B3GALT1: variants seen among roughly 807,000 people sequenced by gnomAD.
B3GALT1 encodes the protein beta-1,3-galactosyltransferase 1.
A neutral mutation model predicts 23.2 loss-of-function variants in B3GALT1; 10 were observed. That is an observed-to-expected ratio of 0.43 (90% CI 0.27 to 0.73). The LOEUF (loss-of-function observed/expected upper bound fraction) is 0.73, where lower values mean the gene tolerates loss of function less well. Ranked by LOEUF, B3GALT1 falls within the 30% of genes least tolerant of loss-of-function variation. The pLI is 0.21. For synonymous variants in B3GALT1, 156 were observed against 141.5 expected (o/e 1.10, Z -0.73); for missense variants, 299 against 405.4 (o/e 0.74, Z 2.25).
chr2:167,624,814 T>C (rs1248408540), intron 2 of B3GALT1, among the ~76,000 whole-genome samples: 1 of 152,028 alleles, frequency 6.6e-6, no homozygotes, highest in Non-Finnish European at 1.5e-5. Context: ...TCAAACCATA[T>C]GAAGAATGCT....
chr2:167,563,924 C>G (rs1684085662), intron 2 of B3GALT1, among the ~76,000 whole-genome samples: 1 of 105,000 alleles, frequency 9.5e-6, no homozygotes, highest in South Asian at 3.6e-4. Flanking sequence ...CCACCTCCCT[C>G]CCAGACGGGG....
chr2:167,558,041 A>G (rs886117029), intron 2 of B3GALT1: 2 of 152,226 alleles, frequency 1.3e-5, no homozygotes, highest in Non-Finnish European at 1.5e-5. Context: ...ACTGGTGGTC[A>G]TTCACTGAGC....
chr2:167,566,362 G>T (rs1465851545), intron 2 of B3GALT1, among the ~76,000 whole-genome samples: 1 of 148,488 alleles, frequency 6.7e-6, no homozygotes, highest in African/African-American at 2.6e-5. Flanking sequence ...GGGGTGGGGG[G>T]AGAGGGGAGG....
intron 1 of B3GALT1, among the ~76,000 whole-genome samples, chr2:167,462,109 A>G (rs527622845): frequency 1.3e-5 from 2 of 152,354 alleles, no homozygotes; most frequent in African/African-American, 4.8e-5. Flanking sequence ...CACAATAAAA[A>G]TACTATAGAC....
chr2:167,318,134 C>G (rs1225278132), intron 1 of B3GALT1, among the ~76,000 whole-genome samples: 1 of 152,054 alleles, frequency 6.6e-6, no homozygotes, highest in East Asian at 1.9e-4. Context: ...CAAGACCAGC[C>G]TTGCCAAGGT....
intron 1 of B3GALT1, among the ~76,000 whole-genome samples, chr2:167,456,049 A>G (rs533473990): frequency 6.6e-6 from 1 of 152,288 alleles, no homozygotes; most frequent in African/African-American, 2.4e-5. Context: ...TCTGTTCTGC[A>G]TTGCTGTAGG....
At chr2:167,601,184 C>T (rs539919545) in intron 2 of B3GALT1, among the ~76,000 whole-genome samples, 7 of 152,204 alleles carry the variant, frequency 4.6e-5, no homozygotes, top group South Asian at 4.1e-4. Flanking sequence ...CTCAGCCTCT[C>T]GAGTAGCTGG....
intron 4 of B3GALT1, among the ~76,000 whole-genome samples, chr2:167,827,608 C>A (rs897167955): frequency 1.3e-5 from 2 of 152,178 alleles, no homozygotes; most frequent in Admixed American, 6.5e-5. Context: ...CTCTGGCAGT[C>A]CCTGCTCAGT....
At chr2:167,364,022 G>A (rs1697544155) in intron 1 of B3GALT1, among the ~76,000 whole-genome samples, 2 of 151,946 alleles carry the variant, frequency 1.3e-5, no homozygotes, top group Admixed American at 1.3e-4. Flanking sequence ...AAATTAGCCA[G>A]GCATGGCGGC....
chr2:167,418,308 A>G (rs1455940643), intron 1 of B3GALT1, among the ~76,000 whole-genome samples: 1 of 152,090 alleles, frequency 6.6e-6, no homozygotes, highest in Non-Finnish European at 1.5e-5. Flanking sequence ...AGATATGCAT[A>G]TAAGAGACTT....
At chr2:167,615,965 T>C (rs1685153946) in intron 2 of B3GALT1, among the ~76,000 whole-genome samples, 1 of 151,938 alleles carries the variant, frequency 6.6e-6, no homozygotes, top group Non-Finnish European at 1.5e-5. Context: ...CTGTTGAGAC[T>C]GTGCTCTGCT....
chr2:167,409,267 T>G (rs1352071511), intron 1 of B3GALT1, among the ~76,000 whole-genome samples: 1 of 152,194 alleles, frequency 6.6e-6, no homozygotes, highest in Non-Finnish European at 1.5e-5. Context: ...ACTGGTGTTC[T>G]CTATATTTCC....
intron 2 of B3GALT1, among the ~76,000 whole-genome samples, chr2:167,550,373 CT>C (rs1683724415): frequency 6.6e-6 from 1 of 152,208 alleles, no homozygotes; most frequent in Admixed American, 6.5e-5. Context: ...CTTACTTTTA[CT>C]TTAAGAACCT....
chr2:167,522,281 A>G (rs534793936), intron 2 of B3GALT1, among the ~76,000 whole-genome samples: 9 of 152,156 alleles, frequency 5.9e-5, no homozygotes, highest in Non-Finnish European at 1.2e-4. Context: ...AAGACAAACT[A>G]AATATACAAA....
In B3GALT1 at chr2:167,564,419, T is replaced by C. The variant is rs1385109050; in HGVS notation, c.-410+74142T>C. ...GAGGGGCTCCCCACATCCCAGACGA[T>C]GGGCGGCCAGGCGGAGACGCTCCCC... On this transcript the variant is annotated intron_variant, in intron 2 of 4. Transcript: ENST00000392690. Among the ~76,000 whole-genome samples the C allele has an allele frequency of 7.6e-5, 10 of 131,970 alleles. No individual in the cohort carries two copies. The East Asian group carries it at 2.2e-3, about 29-fold the overall frequency. The allele number at this position is 131,970 out of a possible 152,430, so 86.6% of individuals were successfully genotyped here.
chr2:167,729,118 C>T (rs572911691), intron 3 of B3GALT1, among the ~76,000 whole-genome samples: 1 of 152,288 alleles, frequency 6.6e-6, no homozygotes, highest in East Asian at 1.9e-4. Context: ...CCCTGGTGAA[C>T]TGTGAGGGAG....
intron 3 of B3GALT1, among the ~76,000 whole-genome samples, chr2:167,808,620 C>A (rs1031945924): frequency 3.3e-5 from 5 of 151,700 alleles, no homozygotes; most frequent in African/African-American, 4.9e-5. Flanking sequence ...CCCCCACTCT[C>A]TTCTGGCTTG....
chr2:167,745,207 C>CTAATAAAG (rs201408172), intron 3 of B3GALT1, among the ~76,000 whole-genome samples: 20,956 of 151,944 alleles, frequency 0.14, 1,628 homozygotes, highest in South Asian at 0.2. Context: ...TCTGATATTC[C>CTAATAAAG]TCAATATATT....
intron 2 of B3GALT1, among the ~76,000 whole-genome samples, chr2:167,631,769 C>CTTTTTTTTT (rs558837779): frequency 1.7e-5 from 2 of 120,590 alleles, no homozygotes; most frequent in African/African-American, 6.3e-5. Flanking sequence ...CTTTTCTTTT[C>CTTTTTTTTT]TTTTTTTTTT....
Sources: gnomAD v4.1 joint callset for allele counts (sites outside exome capture counted in the v4.1 genomes callset) on GRCh38, gnomAD v4.1.1 for gene constraint, MANE v1.5 for transcripts, NCBI Gene and HGNC (gene_info 2026-07-23, HGNC 2026-07-21) for gene names.